The following GPM6A variants were observed in gnomAD, a reference collection of about 807,000 sequenced individuals.
The protein encoded by GPM6A is neuronal membrane glycoprotein M6-a.
Under a neutral mutation model 32.1 loss-of-function variants are expected in GPM6A, and 7 were observed. That is an observed-to-expected ratio of 0.22 (90% CI 0.12 to 0.41). The LOEUF (loss-of-function observed/expected upper bound fraction) is 0.41, where lower values mean the gene tolerates loss of function less well. Among genes scored for constraint, GPM6A ranks in the 10% least tolerant of loss-of-function variants. The probability of loss-of-function intolerance (pLI) is 1.00; values close to 1 mark genes in which losing one functional copy is unlikely to be tolerated. For synonymous variants in GPM6A, 130 were observed against 123.4 expected (o/e 1.05, Z -0.35); for missense variants, 235 against 347.2 (o/e 0.68, Z 2.57).
rs745918611 is a variant in GPM6A at position 175,694,108 on chromosome 4, T to TA, written c.230+7466dup. On this transcript the variant is annotated intron_variant, in intron 2 of 6. Transcript: ENST00000393658. ...GCAGATGCCAGCATCATGCTTTATGTACAGCCTGCAGAACTGTGAGTCAAT... is the reference window on the plus strand; with the variant it reads ...GCAGATGCCAGCATCATGCTTTATGTAACAGCCTGCAGAACTGTGAGTCAAT... Among the ~76,000 whole-genome samples, 42 of 152,322 alleles carry TA rather than the reference T, an allele frequency of 2.8e-4. No individual in the cohort carries two copies. The East Asian group carries it at 4.4e-3, about 16-fold the overall frequency.
chr4:175,678,061 A>G (rs1490900861), intron 2 of GPM6A, among the ~76,000 whole-genome samples: 1 of 152,138 alleles, frequency 6.6e-6, no homozygotes, highest in Non-Finnish European at 1.5e-5. Flanking sequence ...TGAGTTCATC[A>G]TGTGGAAGCA....
At chr4:175,655,660 T>C (rs1404609854) in intron 3 of GPM6A, among the ~76,000 whole-genome samples, 1 of 152,086 alleles carries the variant, frequency 6.6e-6, no homozygotes, top group African/African-American at 2.4e-5. Context: ...TTCAACTCTT[T>C]CTGAAATTCA....
At chr4:175,878,652 T>G (rs1737166943) in intron 1 of GPM6A, among the ~76,000 whole-genome samples, 1 of 152,046 alleles carries the variant, frequency 6.6e-6, no homozygotes, top group Non-Finnish European at 1.5e-5. Context: ...CTCATAGGCC[T>G]CTGGGCCTAT....
chr4:175,713,946 G>A (rs1745694400), intron 1 of GPM6A, among the ~76,000 whole-genome samples: 1 of 151,888 alleles, frequency 6.6e-6, no homozygotes, highest in Non-Finnish European at 1.5e-5. Context: ...CTTTGTCATA[G>A]ATTTTTTTTT....
chr4:175,879,440 G>A (rs1737196842), intron 1 of GPM6A, among the ~76,000 whole-genome samples: 1 of 152,158 alleles, frequency 6.6e-6, no homozygotes, highest in South Asian at 2.1e-4. Context: ...GAGGCCTCAG[G>A]AAACTTACAA....
chr4:175,921,574 A>G (rs1366143258), intron 1 of GPM6A, among the ~76,000 whole-genome samples: 3 of 152,368 alleles, frequency 2.0e-5, no homozygotes, highest in South Asian at 2.1e-4. Context: ...AAATAAGATG[A>G]AATAGCAAAG....
chr4:175,887,638 A>T (rs1737504256), intron 1 of GPM6A, among the ~76,000 whole-genome samples: 1 of 151,932 alleles, frequency 6.6e-6, no homozygotes, highest in African/African-American at 2.4e-5. Flanking sequence ...TTGACAAACC[A>T]CTGCAAGTGT....
intron 1 of GPM6A, among the ~76,000 whole-genome samples, chr4:175,925,568 A>G (rs540228345): frequency 2.0e-5 from 3 of 151,974 alleles, no homozygotes; most frequent in South Asian, 4.1e-4. Context: ...ACTATCGTAA[A>G]TGTAGTTAAA....
intron 3 of GPM6A, among the ~76,000 whole-genome samples, chr4:175,668,439 T>A (rs948436229): frequency 3.3e-5 from 5 of 149,632 alleles, no homozygotes; most frequent in South Asian, 2.1e-4. Flanking sequence ...GAAAAAAAAA[T>A]GATGTTGTCT....
intron 1 of GPM6A, among the ~76,000 whole-genome samples, chr4:175,804,978 G>C (rs373653272): frequency 3.7e-4 from 56 of 152,198 alleles, no homozygotes; most frequent in Admixed American, 9.8e-4. Context: ...CTGGGAGGTC[G>C]AGCTTGCAGT....
At position 175,711,453 on chromosome 4, in the gene GPM6A, T is replaced by C. The variant is rs1264172618; in HGVS notation, c.38-9686A>G. 6.9e-3 allele frequency among the ~76,000 whole-genome samples: 247 copies of C among 35,672 alleles called. 5 individuals are homozygous for C. The highest frequency in any genetic ancestry group is 0.023 in the Middle Eastern group (1 of 44). The allele number at this position is 35,672 out of a possible 152,430, so 23.4% of individuals were successfully genotyped here. A position where few individuals can be genotyped will look rare whatever the true frequency, so the allele number is the denominator to read the frequency against. Reference sequence around the variant, plus strand: ...ATATATATATATATATATATATATATATATACACACACATACATACATGTA... The same window carrying C: ...ATATATATATATATATATATATATACATATACACACACATACATACATGTA... On this transcript the variant is annotated intron_variant, in intron 1 of 6. Transcript: ENST00000393658.
intron 1 of GPM6A, among the ~76,000 whole-genome samples, chr4:175,858,073 C>A (rs1736467347): frequency 6.6e-6 from 1 of 152,058 alleles, no homozygotes; most frequent in South Asian, 2.1e-4. Flanking sequence ...ACTTAGATCA[C>A]TGGAGAGGTA....
intron 1 of GPM6A, among the ~76,000 whole-genome samples, chr4:175,772,042 A>G (rs996366458): frequency 6.6e-6 from 1 of 152,298 alleles, no homozygotes; most frequent in East Asian, 1.9e-4. Context: ...TGCCCCTTCC[A>G]TCATTCTCCT....
intron 2 of GPM6A, among the ~76,000 whole-genome samples, chr4:175,700,485 A>G (rs1384642594): frequency 6.6e-6 from 1 of 152,172 alleles, no homozygotes; most frequent in Non-Finnish European, 1.5e-5. Flanking sequence ...GCCCTGCATA[A>G]ATGAGAATTG....
intron 1 of GPM6A, among the ~76,000 whole-genome samples, chr4:175,971,632 A>G (rs1740505065): frequency 6.6e-6 from 1 of 152,206 alleles, no homozygotes; most frequent in Non-Finnish European, 1.5e-5. Flanking sequence ...AAGAAAACCA[A>G]ACCAAAGGAA....
chr4:175,896,699 G>A (rs1206947553), intron 1 of GPM6A, among the ~76,000 whole-genome samples: 1 of 152,152 alleles, frequency 6.6e-6, no homozygotes, highest in East Asian at 1.9e-4. Flanking sequence ...CACAGGCCCT[G>A]TCTATCTTCT....
chr4:175,902,299 T>G (rs2101851), intron 1 of GPM6A, among the ~76,000 whole-genome samples: 86,027 of 152,014 alleles, frequency 0.57, 24,651 homozygotes, highest in Middle Eastern at 0.69. Context: ...TAGTTAGTGA[T>G]GGTAAGAGAT....
intron 1 of GPM6A, among the ~76,000 whole-genome samples, chr4:175,831,715 CTTTTTTTTT>C (rs780096379): frequency 1.9e-4 from 13 of 69,954 alleles, no homozygotes; most frequent in Non-Finnish European, 2.5e-4. Flanking sequence ...TTAGCCATCT[CTTTTTTTTT>C]TTTTTTTTTT....
intron 1 of GPM6A, among the ~76,000 whole-genome samples, chr4:175,837,984 G>T (rs1735819372): frequency 6.6e-6 from 1 of 151,638 alleles, no homozygotes; most frequent in Non-Finnish European, 1.5e-5. Context: ...TTAACAAAAG[G>T]AATATCTGCA....
Sources: allele counts gnomAD v4.1 joint callset (sites outside exome capture counted in the v4.1 genomes callset), GRCh38; gene constraint gnomAD v4.1.1; transcripts MANE v1.5; gene names NCBI Gene and HGNC (gene_info 2026-07-23, HGNC 2026-07-21).